The following BCL2 variants were observed in gnomAD, a reference collection of about 807,000 sequenced individuals.
The protein encoded by BCL2 is BCL2 apoptosis regulator.
A neutral mutation model predicts 14.2 loss-of-function variants in BCL2; 1 was observed. The observed-to-expected ratio is 0.07, with a 90% CI of 0.02 to 0.33. The LOEUF is 0.33. Ranked by LOEUF, BCL2 falls within the 10% of genes least tolerant of loss-of-function variation. The pLI, the probability that BCL2 is intolerant of heterozygous loss-of-function variation, is 0.99. For missense variants in BCL2, 247 were observed against 305.9 expected, an observed-to-expected ratio of 0.81 and a Z score of 1.44; for synonymous variants, 151 against 137.2, an observed-to-expected ratio of 1.10 and a Z score of -0.70.
At chr18:63,213,128 T>G (rs1279689923) in intron 2 of BCL2, among the ~76,000 whole-genome samples, 1 of 152,166 alleles carries the variant, frequency 6.6e-6, no homozygotes, top group Admixed American at 6.5e-5. Context: ...TTACTTTTGC[T>G]CCCATAACCT....
At chr18:63,292,483 T>G (rs1403246962) in intron 2 of BCL2, among the ~76,000 whole-genome samples, 1 of 152,180 alleles carries the variant, frequency 6.6e-6, no homozygotes, top group Non-Finnish European at 1.5e-5. Flanking sequence ...GGTTCCAGAC[T>G]TTATACAGCG....
rs552075974 is a variant in BCL2, at chr18:63,318,735, G to A, written c.-69C>T. Reference sequence around the variant, plus strand: ...CCCAGCTCCCACCCCACGGCCCCCAGAGAAAGAAGAGGAGTTATAATCCAG... The same window carrying A: ...CCCAGCTCCCACCCCACGGCCCCCAAAGAAAGAAGAGGAGTTATAATCCAG... On this transcript the variant is annotated 5_prime_UTR_variant, in exon 2 of 3. Transcript: ENST00000333681. The surrounding 1 kb of genome is among the most constrained non-coding windows in gnomAD (Gnocchi z 7.4). 40 of 1,601,644 alleles carry A rather than the reference G, an allele frequency of 2.5e-5. No individual in the cohort carries two copies. In the East Asian group the frequency reaches 8.8e-4, roughly 35 times the overall value.
intron 2 of BCL2, among the ~76,000 whole-genome samples, chr18:63,186,049 T>C (rs757927302): frequency 1.3e-5 from 2 of 152,356 alleles, no homozygotes; most frequent in Non-Finnish European, 2.9e-5. Flanking sequence ...CTCAGTAATC[T>C]ATCCAAGACA....
At position 63,312,161 on chromosome 18, in the gene BCL2, T is replaced by G. The variant is rs567297208; in HGVS notation, c.585+5921A>C. ...TAGACTCCCCACTTCTGCTCCCTTT[T>G]GCTAGTATCTAAGCGCATTACGGTT... On this transcript the variant is annotated intron_variant, in intron 2 of 2. Transcript: ENST00000333681. Among the ~76,000 whole-genome samples the G allele has an allele frequency of 2.0e-5, 3 of 152,360 alleles. No homozygotes were observed. In the South Asian group the frequency reaches 6.2e-4, roughly 32 times the overall value.
intron 2 of BCL2, among the ~76,000 whole-genome samples, chr18:63,170,477 C>T (rs962947366): frequency 1.2e-4 from 19 of 152,198 alleles, no homozygotes; most frequent in African/African-American, 7.2e-5. Flanking sequence ...CCATCCAAAG[C>T]TCAGCTACAT....
intron 2 of BCL2, among the ~76,000 whole-genome samples, chr18:63,188,196 G>C (rs932343322): frequency 2.6e-5 from 4 of 152,166 alleles, no homozygotes; most frequent in Non-Finnish European, 5.9e-5. Context: ...GACACTGCCT[G>C]AAAAATGAAT....
intron 2 of BCL2, among the ~76,000 whole-genome samples, chr18:63,198,159 GACAC>G (rs137992605): frequency 2.6e-5 from 4 of 150,996 alleles, no homozygotes; most frequent in African/African-American, 7.3e-5. Context: ...AAGATGTAGA[GACAC>G]ACACACACAG....
chr18:63,268,467 C>CA (rs1431936034), intron 2 of BCL2, among the ~76,000 whole-genome samples: 1 of 152,222 alleles, frequency 6.6e-6, no homozygotes, highest in Non-Finnish European at 1.5e-5. Flanking sequence ...GTAACTCACT[C>CA]ATTCACTCAC....
intron 2 of BCL2, among the ~76,000 whole-genome samples, chr18:63,151,723 C>T (rs889469938): frequency 6.6e-6 from 1 of 152,194 alleles, no homozygotes; most frequent in African/African-American, 2.4e-5. Context: ...GTTTCCGTGG[C>T]AGCCTAAGAT....
intron 2 of BCL2, among the ~76,000 whole-genome samples, chr18:63,258,266 A>G (rs1195890521): frequency 6.6e-6 from 1 of 152,216 alleles, no homozygotes; most frequent in East Asian, 1.9e-4. Context: ...ATAAATTTCT[A>G]TTGTTTTAAG....
chr18:63,174,378 G>A (rs1487055771), intron 2 of BCL2, among the ~76,000 whole-genome samples: 1 of 149,740 alleles, frequency 6.7e-6, no homozygotes, highest in Non-Finnish European at 1.5e-5. Context: ...TTTTATTGTT[G>A]TTTTTTTTTT....
intron 2 of BCL2, among the ~76,000 whole-genome samples, chr18:63,286,878 C>A (rs1912488826): frequency 6.6e-6 from 1 of 152,082 alleles, no homozygotes; most frequent in African/African-American, 2.4e-5. Context: ...TCTGGGTCTC[C>A]TGGGTCCCTC....
At chr18:63,178,621 C>T (rs966128010) in intron 2 of BCL2, among the ~76,000 whole-genome samples, 25 of 152,262 alleles carry the variant, frequency 1.6e-4, no homozygotes, top group African/African-American at 6.0e-4. Context: ...AGCTGCAGTT[C>T]ACCTTTGAGG....
intron 2 of BCL2, among the ~76,000 whole-genome samples, chr18:63,203,543 G>A (rs563366366): frequency 1.1e-4 from 16 of 152,326 alleles, no homozygotes; most frequent in African/African-American, 3.4e-4. Flanking sequence ...CAAGATACAA[G>A]TCCCTACTAG....
At chr18:63,284,535 T>G (rs926512479) in intron 2 of BCL2, among the ~76,000 whole-genome samples, 1 of 152,216 alleles carries the variant, frequency 6.6e-6, no homozygotes, top group Non-Finnish European at 1.5e-5. Context: ...AGACTTTGCC[T>G]GGCATGTATG....
At chr18:63,305,968 AG>A (rs1568264816) in intron 2 of BCL2, among the ~76,000 whole-genome samples, 1 of 152,084 alleles carries the variant, frequency 6.6e-6, no homozygotes, top group Non-Finnish European at 1.5e-5. Flanking sequence ...CCAGCTACTC[AG>A]GAGACTGAGG....
At chr18:63,302,847 C>A (rs1485666769) in intron 2 of BCL2, 1 of 985,180 alleles carries the variant, frequency 1.0e-6, no homozygotes, top group Non-Finnish European at 1.2e-6. Flanking sequence ...ACAAGGGCAT[C>A]CTGTTCAAAT....
At chr18:63,156,189 C>T (rs1275028293) in intron 2 of BCL2, among the ~76,000 whole-genome samples, 1 of 151,352 alleles carries the variant, frequency 6.6e-6, no homozygotes, top group Non-Finnish European at 1.5e-5. Context: ...TAGAGTCTTG[C>T]CCAGCAATAG....
chr18:63,292,642 A>G (rs1324211786), intron 2 of BCL2, among the ~76,000 whole-genome samples: 2 of 152,232 alleles, frequency 1.3e-5, no homozygotes, highest in Non-Finnish European at 2.9e-5. Flanking sequence ...AGGCAATGAA[A>G]GAACCCTCTT....
Sources: gnomAD v4.1 joint callset for allele counts (sites outside exome capture counted in the v4.1 genomes callset) on GRCh38, gnomAD v4.1.1 for gene constraint, Gnocchi (gnomAD v3.1) non-coding constraint, MANE v1.5 for transcripts, NCBI Gene and HGNC (gene_info 2026-07-23, HGNC 2026-07-21) for gene names.